Variants in KRT77 observed in about 807,000 individuals in gnomAD.
The protein encoded by KRT77 is keratin 77.
KRT77 carries 44 observed loss-of-function variants against 51.5 expected under a neutral mutation model. That is an observed-to-expected ratio of 0.85 (90% CI 0.67 to 1.10). KRT77 has a LOEUF of 1.10. Among genes scored for constraint, KRT77 ranks in the 50% least tolerant of loss-of-function variants. The pLI, the probability that KRT77 is intolerant of heterozygous loss-of-function variation, is 0.00. For synonymous variants in KRT77, 293 were observed against 302.0 expected (o/e 0.97, Z 0.31); for missense variants, 763 against 743.9 (o/e 1.03, Z -0.30).
In KRT77 at chr12:52,694,660, C is replaced by T. The variant is rs2121051647; in HGVS notation, c.1046G>A (p.Ser349Asn). 6.2e-7 allele frequency: 1 copy of T among 1,611,054 alleles called. No homozygotes were observed. Among genetic ancestry groups the T allele is most frequent in the Non-Finnish European group, 8.5e-7 (1 of 1,178,056 alleles). ...GTACAGGGCTTCGGCCTCGTCCTTGCTCCTCTGTGCAATCAGTTCATACTG... is the reference window on the plus strand; with the variant it reads ...GTACAGGGCTTCGGCCTCGTCCTTGTTCCTCTGTGCAATCAGTTCATACTG... ...RTQYELIAQR[S>N]KDEAEALYQT... is the part of the protein sequence containing the mutation. Residue 349 changes from serine (S) to asparagine (N), a missense_variant, in exon 5 of 9, where the codon AGC becomes AAC. Transcript: ENST00000341809.
intron 8 of KRT77, 87 bp from the exon 9 acceptor site, chr12:52,691,526 A>G: frequency 7.1e-7 from 1 of 1,415,232 alleles, no homozygotes; most frequent in South Asian, 1.4e-5. Context: ...AGCCTCCTCC[A>G]TCCTCGATCA....
chr12:52,693,222 C>G (rs1246215929), intron 5 of KRT77, among the ~76,000 whole-genome samples: 2 of 150,622 alleles, frequency 1.3e-5, no homozygotes, highest in African/African-American at 2.4e-5. Flanking sequence ...GACCCCCTCA[C>G]TCTTTCCACC....
intron 2 of KRT77, among the ~76,000 whole-genome samples, chr12:52,697,441 T>C (rs948596011): frequency 2.0e-5 from 3 of 152,222 alleles, no homozygotes; most frequent in Middle Eastern, 6.3e-3. Flanking sequence ...TCAGGCTTAC[T>C]TGGTTTCAAC....
At chr12:52,698,707 C>T (rs1376694074) in intron 1 of KRT77, among the ~76,000 whole-genome samples, 1 of 152,206 alleles carries the variant, frequency 6.6e-6, no homozygotes, top group Non-Finnish European at 1.5e-5. Flanking sequence ...ATGGTAATGA[C>T]CAGCCTCCAC....
In KRT77 at chr12:52,691,367, C is replaced by T; in HGVS notation, c.1535G>A (p.Gly512Asp). Reference sequence around the variant, plus strand: ...GCCATAGCCCCCACCGCTGCCGCCGCCGTAGCCTCCTGAGCCGTAGCTGCC... The same window carrying T: ...GCCATAGCCCCCACCGCTGCCGCCGTCGTAGCCTCCTGAGCCGTAGCTGCC... ...GGGSYGSGGY[G>D]GGSGGGYGGG... The change falls in exon 9 of 9, where the codon GGC (glycine) becomes GAC (aspartate). Residue 512 changes from glycine to aspartate, a missense_variant. Coordinates refer to ENST00000341809, the MANE Select transcript of KRT77 (RefSeq NM_175078.3). 2 of 1,603,754 alleles carry T rather than the reference C, an allele frequency of 1.2e-6. No homozygotes were observed. Among genetic ancestry groups the T allele is most frequent in the South Asian group, 1.1e-5 (1 of 90,540 alleles).
chr12:52,698,796 G>C (rs1941839633), intron 1 of KRT77, among the ~76,000 whole-genome samples: 1 of 152,212 alleles, frequency 6.6e-6, no homozygotes, highest in African/African-American at 2.4e-5. Context: ...TCCAGACTTT[G>C]CTCGGCCGCA....
At chr12:52,696,091 G>A (rs1941791554) in intron 3 of KRT77, among the ~76,000 whole-genome samples, 1 of 152,090 alleles carries the variant, frequency 6.6e-6, no homozygotes, top group Admixed American at 6.5e-5. Flanking sequence ...AACACCCCAG[G>A]TCCTTCCTTA....
rs926142454 is a variant in KRT77, at chr12:52,702,805, C to A, written c.543+87G>T. 5 of 1,366,488 alleles carry A rather than the reference C, an allele frequency of 3.7e-6. No individual in the cohort carries two copies. The African/African-American group carries it at 7.2e-5, about 20-fold the overall frequency. The allele number at this position is 1,366,488 out of a possible 1,614,324, so 84.6% of individuals were successfully genotyped here. A position where few individuals can be genotyped will look rare whatever the true frequency, so the allele number is the denominator to read the frequency against. ...AAGGTCCCAGGTCAAGCTGAAACAG[C>A]ACGATGTGGTGAGAGGTGGTAAGGT... On this transcript the variant is annotated intron_variant, in intron 1 of 8. Coordinates refer to ENST00000341809, the MANE Select transcript of KRT77 (RefSeq NM_175078.3).
In KRT77 at chr12:52,697,793, T is replaced by A; in HGVS notation, c.647A>T (p.Glu216Val). The A allele has an allele frequency of 1.2e-6, 2 of 1,614,112 alleles. No individual in the cohort carries two copies. Among genetic ancestry groups the A allele is most frequent in the Non-Finnish European group, 1.7e-6 (2 of 1,180,004 alleles). The change falls in exon 2 of 9, where the codon GAG becomes GTG. Residue 216 changes from glutamate to valine, a missense_variant. Transcript: ENST00000341809. The stretch of plus-strand genomic sequence containing the variant: ...CCTCCGCAGGTCACCGATGTAGTTC[T>A]CCAAGAGGGGCTCCAGGTTGTTGGT... The part of the protein sequence containing the change: ...TGTNNLEPLL[E>V]NYIGDLRRQV...
chr12:52,696,311 C>T, intron 3 of KRT77, 59 bp downstream of exon 3: 1 of 1,525,780 alleles, frequency 6.6e-7, no homozygotes, highest in Middle Eastern at 1.7e-4. Context: ...CATAGGGATT[C>T]CTCACTCCCC....
Position 52,697,824 on chromosome 12 carries a change from T to C in KRT77, c.616A>G (p.Thr206Ala), listed in dbSNP as rs1167863672. 5.0e-6 allele frequency: 8 copies of C among 1,614,110 alleles called. No individual in the cohort carries two copies. Among genetic ancestry groups the C allele is most frequent in the South Asian group, 1.1e-5 (1 of 91,078 alleles). ...WELLQQVNTS[T>A]GTNNLEPLLE... Reference sequence around the variant, plus strand: ...AGGGGCTCCAGGTTGTTGGTTCCAGTTGAGGTGTTCACCTGCTGCAGCAAC... The same window carrying C: ...AGGGGCTCCAGGTTGTTGGTTCCAGCTGAGGTGTTCACCTGCTGCAGCAAC... Residue 206 changes from threonine (T) to alanine (A), a missense_variant, in exon 2 of 9, where the codon ACT (threonine) becomes GCT (alanine). By Grantham distance (58) the Thr-to-Ala change is moderately conservative. Transcript: ENST00000341809.
chr12:52,694,921 G>A (rs966627214), intron 4 of KRT77, 131 bp from the exon 5 acceptor site: 3 of 757,210 alleles, frequency 4.0e-6, no homozygotes, highest in African/African-American at 1.7e-5. Flanking sequence ...AAAGCTCTTG[G>A]AATTGTTGTG....
chr12:52,692,758 C>G lies in KRT77; in HGVS notation c.1203G>C (p.Lys401Asn). 6.2e-7 allele frequency: 1 copy of G among 1,604,278 alleles called. No individual in the cohort carries two copies. The highest frequency in any genetic ancestry group is 1.7e-5 in the Admixed American group (1 of 59,758). ...CCTCCCTAAGCACCCGTCCCACCTG[C>G]TTCTTCACGTTGCTGATCTCTGCCT... is the stretch of plus-strand genomic sequence containing the variant. ...RLQAEISNVK[K>N]QIEQMQSLIS... The change falls in exon 6 of 9, where the codon AAG (lysine) becomes AAC (asparagine). Residue 401 changes from lysine (K) to asparagine (N), a missense_variant. Coordinates refer to ENST00000341809, the MANE Select transcript of KRT77 (RefSeq NM_175078.3).
chr12:52,697,773 G>T lies in KRT77; in HGVS notation c.667C>A (p.Arg223=). 1.2e-6 allele frequency: 2 copies of T among 1,614,026 alleles called. No individual in the cohort carries two copies. Among genetic ancestry groups the T allele is most frequent in the Non-Finnish European group, 1.7e-6 (2 of 1,179,938 alleles). Residue 223 remains arginine (R), a synonymous_variant, in exon 2 of 9, where the codon CGG becomes AGG. Transcript: ENST00000341809. The stretch of plus-strand genomic sequence containing the variant: ...GCACTGAGCAAATCCACCTGCCTCC[G>T]CAGGTCACCGATGTAGTTCTCCAAG... The part of the protein sequence containing the change: ...PLLENYIGDL[R]RQVDLLSAEQ...
intron 5 of KRT77, 124 bp downstream of exon 5, chr12:52,694,501 AT>A (rs1428770532): frequency 2.9e-5 from 26 of 890,532 alleles, no homozygotes; most frequent in Non-Finnish European, 3.7e-5. Flanking sequence ...TTTACATGTA[AT>A]TTCTAGAATT....
chr12:52,694,896 C>G, intron 4 of KRT77, 106 bp from the exon 5 acceptor site: 1 of 1,036,108 alleles, frequency 9.7e-7, no homozygotes, highest in Non-Finnish European at 1.4e-6. Flanking sequence ...AAGCCTGGGC[C>G]AGGTAGTCTT....
intron 1 of KRT77, among the ~76,000 whole-genome samples, chr12:52,698,802 C>T (rs76982707): frequency 1.3e-5 from 2 of 152,232 alleles, no homozygotes; most frequent in Non-Finnish European, 2.9e-5. Flanking sequence ...CTTTGCTCGG[C>T]CGCATGCAGG....
rs1389618750 is a variant in KRT77, at chr12:52,691,337, C to T, written c.1565G>A (p.Gly522Glu). The change falls in exon 9 of 9, where the codon GGA becomes GAA. Residue 522 changes from glycine (G) to glutamate (E), a missense_variant. By Grantham distance (98) the Gly-to-Glu change is moderately conservative (BLOSUM62 -2). Coordinates refer to ENST00000341809, the MANE Select transcript of KRT77 (RefSeq NM_175078.3). ...GGGSGGGYGGGRSYRGGGARG... is the reference protein window; with the variant it reads ...GGGSGGGYGGERSYRGGGARG... ...TGCCCCGCCTCCGCGGTAGCTTCTT[C>T]CGCCGCCATAGCCCCCACCGCTGCC... The T allele has an allele frequency of 2.5e-6, 4 of 1,592,012 alleles. No homozygotes were observed. Among genetic ancestry groups the T allele is most frequent in the Non-Finnish European group, 2.6e-6 (3 of 1,169,188 alleles).
chr12:52,691,967 G>C lies in KRT77; in HGVS notation c.1433C>G (p.Ser478Ter). The change falls in exon 8 of 9, where the codon TCA (serine) becomes TGA (stop). Residue 478 changes from serine (S) to a stop codon, truncating the protein, a stop_gained. Coordinates refer to ENST00000341809, the MANE Select transcript of KRT77 (RefSeq NM_175078.3). LOFTEE classifies it low-confidence loss of function (END_TRUNC). ...QLLEGEESRM[S>*]GELQSHVSIS... ...GCTCACATGGCTCTGCAGCTCTCCT[G>C]ACATCCTGTAAAACCAAAGCACACG... is the stretch of plus-strand genomic sequence containing the variant. 6.2e-7 allele frequency: 1 copy of C among 1,613,982 alleles called. No homozygotes were observed.
Sources: allele counts gnomAD v4.1 joint callset (sites outside exome capture counted in the v4.1 genomes callset), GRCh38; gene constraint gnomAD v4.1.1; transcripts MANE v1.5; gene names NCBI Gene and HGNC (gene_info 2026-07-23, HGNC 2026-07-21).